ARMC3: variants seen among roughly 807,000 people sequenced by gnomAD.
The protein encoded by ARMC3 is armadillo repeat containing 3, also known as armadillo repeat-containing protein 3.
In ARMC3, 74 loss-of-function variants were observed where a neutral mutation model predicts 90.3. The ratio of observed to expected loss-of-function variants is 0.82; its 90% CI spans 0.68 to 0.99. ARMC3 has a LOEUF of 0.99. Ranked by LOEUF, ARMC3 falls within the 50% of genes least tolerant of loss-of-function variation. The pLI, the probability that ARMC3 is intolerant of heterozygous loss-of-function variation, is 0.00. For missense variants in ARMC3, 958 were observed against 1,042.8 expected (o/e 0.92, Z 1.12); for synonymous variants, 334 against 361.8 (o/e 0.92, Z 0.87).
At position 22,945,944 on chromosome 10, in the gene ARMC3, ACCCCAGGCATT is replaced by A. The variant is rs1220618292; in HGVS notation, c.49-197_49-187del. 2.6e-5 allele frequency among the ~76,000 whole-genome samples: 4 copies of A among 152,262 alleles called. No individual in the cohort carries two copies. In the East Asian group the frequency reaches 7.7e-4, roughly 29 times the overall value. ...CAAAACATTTGGCTCTTCCCACCATACCCCAGGCATTCCAATGCTGACAATTGTTTCTCTAG... is the reference window on the plus strand; with the variant it reads ...CAAAACATTTGGCTCTTCCCACCATACCAATGCTGACAATTGTTTCTCTAG... On this transcript the variant is annotated intron_variant, in intron 2 of 18. Transcript: ENST00000298032.
chr10:22,968,260 A>T (rs376198565), intron 7 of ARMC3, 46 bp from the exon 8 acceptor site: 690 of 1,551,978 alleles, frequency 4.4e-4, no homozygotes, highest in Non-Finnish European at 6.0e-4. Context: ...TGGGAAGTGT[A>T]CATTTTAGTA....
chr10:23,029,826 A>G (rs909522908), intron 16 of ARMC3, among the ~76,000 whole-genome samples: 2 of 152,148 alleles, frequency 1.3e-5, no homozygotes, highest in Non-Finnish European at 2.9e-5. Context: ...TTGTTCTTGT[A>G]CGTCATGGAG....
In ARMC3 at chr10:22,955,816, A is replaced by G; in HGVS notation, c.176A>G (p.Asn59Ser). The change falls in exon 4 of 19, where the codon AAT becomes AGT. Residue 59 changes from asparagine to serine, a missense_variant. Transcript: ENST00000298032. The stretch of plus-strand genomic sequence containing the variant: ...TTACGTGTGATGTCAGGTGAGGAAA[A>G]TAAAACAACCCTCCTTGAACTTGGA... ...IYKFALKGEE[N>S]KTTLLELGAV... is the part of the protein sequence containing the mutation. 1 of 1,613,738 alleles carries G rather than the reference A, an allele frequency of 6.2e-7. No individual in the cohort carries two copies. Among genetic ancestry groups the G allele is most frequent in the Non-Finnish European group, 8.5e-7 (1 of 1,179,790 alleles).
chr10:23,032,556 A>G (rs1259208419), intron 17 of ARMC3, among the ~76,000 whole-genome samples: 4 of 151,752 alleles, frequency 2.6e-5, no homozygotes, highest in African/African-American at 9.7e-5. Flanking sequence ...TTAAAACTGC[A>G]TTGATATTTA....
At chr10:22,996,754 A>G (rs1836975875) in intron 10 of ARMC3, among the ~76,000 whole-genome samples, 1 of 152,188 alleles carries the variant, frequency 6.6e-6, no homozygotes, top group Admixed American at 6.5e-5. Flanking sequence ...TATGGCTACC[A>G]GTCTCTTTAT....
At chr10:22,933,067 A>ACAC (rs374108096) in intron 2 of ARMC3, among the ~76,000 whole-genome samples, 2 of 152,342 alleles carry the variant, frequency 1.3e-5, no homozygotes, top group East Asian at 3.9e-4. Flanking sequence ...CTTCTGAGAC[A>ACAC]CACAAACACA....
rs12244154 is a variant in ARMC3 at position 22,959,546 on chromosome 10, C to T, written c.509C>T (p.Ser170Phe). ...SSPDPDVKKN[S>F]MECIYNLVQD... ...CCTGACCCGGATGTAAAGAAGAACT[C>T]TATGGAATGCATTTACAACTTGGTG... The change falls in exon 6 of 19, where the codon TCT becomes TTT. Residue 170 changes from serine to phenylalanine, a missense_variant. Coordinates refer to ENST00000298032, the MANE Select transcript of ARMC3 (RefSeq NM_173081.5). The T allele has an allele frequency of 1.3e-4, 205 of 1,605,616 alleles. 1 individual carries two copies. Among genetic ancestry groups the T allele is most frequent in the Non-Finnish European group, 1.6e-4 (191 of 1,178,156 alleles).
intron 5 of ARMC3, 36 bp from the exon 6 acceptor site, chr10:22,959,363 G>T (rs1003682230): frequency 1.9e-6 from 3 of 1,557,898 alleles, no homozygotes; most frequent in Non-Finnish European, 2.6e-6. Context: ...ATAATAAGCA[G>T]TTGGCATACT....
chr10:22,947,415 T>C (rs1240611443), intron 3 of ARMC3, among the ~76,000 whole-genome samples: 2 of 152,144 alleles, frequency 1.3e-5, no homozygotes, highest in Non-Finnish European at 2.9e-5. Flanking sequence ...AATGACACTT[T>C]ATTTCTGTGT....
chr10:22,992,099 C>G (rs1013619846), intron 10 of ARMC3, among the ~76,000 whole-genome samples: 1 of 152,242 alleles, frequency 6.6e-6, no homozygotes, highest in Non-Finnish European at 1.5e-5. Context: ...GCATTTGAAA[C>G]AAGGTAGCAT....
intron 16 of ARMC3, among the ~76,000 whole-genome samples, chr10:23,014,768 T>G: frequency 6.7e-6 from 1 of 150,212 alleles, no homozygotes; most frequent in Non-Finnish European, 1.5e-5. Flanking sequence ...CATGGACCCA[T>G]AGAGGGGAAC....
intron 17 of ARMC3, chr10:23,031,338 G>C (rs1838918325): frequency 6.5e-6 from 1 of 154,312 alleles, no homozygotes; most frequent in Non-Finnish European, 1.4e-5. Context: ...CTTCATTAGA[G>C]TGTTTAATTA....
Position 23,037,383 on chromosome 10 carries a change from C to G in ARMC3, c.2523C>G (p.Leu841=). ...CTCGGAAGGGAGTGATTGGGGGCCT[C>G]CCCGCTCCTGAGATGTACGTGATTG... The part of the protein sequence containing the change: ...NDSRKGVIGG[L]PAPEMYVIDL... The change falls in exon 19 of 19, where the codon CTC becomes CTG. Residue 841 remains leucine, a synonymous_variant. Coordinates refer to ENST00000298032, the MANE Select transcript of ARMC3 (RefSeq NM_173081.5). 1 of 1,613,954 alleles carries G rather than the reference C, an allele frequency of 6.2e-7. No individual in the cohort carries two copies. Among genetic ancestry groups the G allele is most frequent in the South Asian group, 1.1e-5 (1 of 91,062 alleles).
intron 16 of ARMC3, among the ~76,000 whole-genome samples, chr10:23,016,690 G>C (rs1262017620): frequency 6.6e-6 from 1 of 152,166 alleles, no homozygotes; most frequent in African/African-American, 2.4e-5. Flanking sequence ...CAAAAGAAAT[G>C]CTTCTATTTA....
rs1310674732 is a variant in ARMC3 at position 23,005,886 on chromosome 10, A to G, written c.1732-998A>G. Among the ~76,000 whole-genome samples, 3 of 151,822 alleles carry G rather than the reference A, an allele frequency of 2.0e-5. No individual in the cohort carries two copies. The East Asian group carries it at 5.8e-4, about 29-fold the overall frequency. On this transcript the variant is annotated intron_variant, in intron 13 of 18. Transcript: ENST00000298032. ...CTCAAAAAAGGGGGAAAAAAAAAAGAAATGAGAGGTGCCATGGAGGGAGAA... is the reference window on the plus strand; with the variant it reads ...CTCAAAAAAGGGGGAAAAAAAAAAGGAATGAGAGGTGCCATGGAGGGAGAA...
chr10:22,939,361 C>T (rs1834233336), intron 2 of ARMC3, among the ~76,000 whole-genome samples: 1 of 152,138 alleles, frequency 6.6e-6, no homozygotes, highest in African/African-American at 2.4e-5. Flanking sequence ...TGGCAAAGGA[C>T]ATGCATGAAC....
intron 1 of ARMC3, among the ~76,000 whole-genome samples, chr10:22,930,904 T>C (rs1833901862): frequency 6.6e-6 from 1 of 152,080 alleles, no homozygotes; most frequent in South Asian, 2.1e-4. Flanking sequence ...TCCTGGGTTA[T>C]TCTAATAGAC....
Position 22,933,721 on chromosome 10 carries a change from T to TA in ARMC3, c.48+1682dup, listed in dbSNP as rs1281084464. On this transcript the variant is annotated intron_variant, in intron 2 of 18. Coordinates refer to ENST00000298032, the MANE Select transcript of ARMC3 (RefSeq NM_173081.5). ...TAACATGGTGAAACCCCGTCTCTAC[T>TA]AAAAATACAAAAAATTAGCCGGGGG... is the stretch of plus-strand genomic sequence containing the variant. Among the ~76,000 whole-genome samples the TA allele has an allele frequency of 1.8e-4, 28 of 152,130 alleles. 3 individuals carry two copies. The East Asian group carries it at 5.4e-3, about 29-fold the overall frequency.
At chr10:22,954,504 A>T (rs1406308834) in intron 3 of ARMC3, among the ~76,000 whole-genome samples, 1 of 150,314 alleles carries the variant, frequency 6.7e-6, no homozygotes, top group African/African-American at 2.5e-5. Flanking sequence ...TCTACAAAAA[A>T]ATTCGAAAAA....
Sources: gnomAD v4.1 joint callset for allele counts (sites outside exome capture counted in the v4.1 genomes callset) on GRCh38, gnomAD v4.1.1 for gene constraint, MANE v1.5 for transcripts, NCBI Gene and HGNC (gene_info 2026-07-23, HGNC 2026-07-21) for gene names.